The following LRRC4C variants were observed in gnomAD, a reference collection of about 807,000 sequenced individuals.
LRRC4C encodes the protein leucine-rich repeat-containing protein 4C.
Under a neutral mutation model 33.6 loss-of-function variants are expected in LRRC4C, and 5 were observed. The ratio of observed to expected loss-of-function variants is 0.15; its 90% confidence interval spans 0.08 to 0.31. The LOEUF is 0.31. Ranked by LOEUF, LRRC4C falls within the 10% of genes least tolerant of loss-of-function variation. The pLI, the probability that LRRC4C is intolerant of heterozygous loss-of-function variation, is 1.00. For missense variants in LRRC4C, 560 were observed against 796.7 expected (o/e 0.70, Z 3.58); for synonymous variants, 329 against 302.0 (o/e 1.09, Z -0.93).
At chr11:40,519,146 G>A (rs1955697535) in intron 3 of LRRC4C, among the ~76,000 whole-genome samples, 2 of 151,982 alleles carry the variant, frequency 1.3e-5, no homozygotes, top group African/African-American at 2.4e-5. Flanking sequence ...TGTAGGTGAT[G>A]GGTTGATGGG....
At chr11:40,938,101 T>C (rs930683336) in intron 1 of LRRC4C, among the ~76,000 whole-genome samples, 1 of 152,178 alleles carries the variant, frequency 6.6e-6, no homozygotes, top group Non-Finnish European at 1.5e-5. Flanking sequence ...CTTGAAGTCA[T>C]TTAAAAAGCA....
At chr11:40,936,401 G>T (rs1374601047) in intron 1 of LRRC4C, among the ~76,000 whole-genome samples, 5 of 144,336 alleles carry the variant, frequency 3.5e-5, no homozygotes, top group Non-Finnish European at 6.0e-5. Context: ...GCAGTGGCGC[G>T]ATCTCGGCTC....
chr11:40,834,903 G>GACACAC (rs1257327297), intron 2 of LRRC4C, among the ~76,000 whole-genome samples: 832 of 38,940 alleles, frequency 0.021, 2 homozygotes, highest in Middle Eastern at 0.075. Context: ...CAGACAGACA[G>GACACAC]ACAGACAGAC....
chr11:40,689,347 T>G (rs1438069729), intron 2 of LRRC4C, among the ~76,000 whole-genome samples: 1 of 151,644 alleles, frequency 6.6e-6, no homozygotes, highest in Non-Finnish European at 1.5e-5. Context: ...GCCTCTTTCC[T>G]CTTTGTCTTC....
At chr11:40,491,340 G>A (rs1954141744) in intron 3 of LRRC4C, among the ~76,000 whole-genome samples, 1 of 151,976 alleles carries the variant, frequency 6.6e-6, no homozygotes, top group South Asian at 2.1e-4. Flanking sequence ...CTGTTGCTGT[G>A]TAACAACAAA....
intron 3 of LRRC4C, among the ~76,000 whole-genome samples, chr11:40,538,594 C>T (rs958890562): frequency 1.3e-5 from 2 of 152,130 alleles, no homozygotes; most frequent in African/African-American, 4.8e-5. Flanking sequence ...AATAAACATA[C>T]GTGTGCATGT....
Position 40,215,983 on chromosome 11 carries a change from T to C in LRRC4C, c.-96+25536A>G, listed in dbSNP as rs573996801. Among the ~76,000 whole-genome samples the C allele has an allele frequency of 2.6e-5, 4 of 152,292 alleles. No individual in the cohort carries two copies. In the South Asian group the frequency reaches 8.3e-4, roughly 32 times the overall value. On this transcript the variant is annotated intron_variant, in intron 5 of 6. Transcript: ENST00000528697. ...ATCTGTGAGCTGAGAAACATGGCCT[T>C]CTTTGTTCAACGCTGGTAATGAGAT...
chr11:40,234,304 C>A (rs377345653), intron 5 of LRRC4C, among the ~76,000 whole-genome samples: 1 of 152,138 alleles, frequency 6.6e-6, no homozygotes, highest in Non-Finnish European at 1.5e-5. Context: ...ATCACTATTT[C>A]CAATTTATAA....
chr11:41,349,216 C>T (rs1317695599), intron 1 of LRRC4C, among the ~76,000 whole-genome samples: 1 of 152,126 alleles, frequency 6.6e-6, no homozygotes, highest in Non-Finnish European at 1.5e-5. Flanking sequence ...ATCTAATAGC[C>T]AGAGAACTTT....
chr11:41,248,731 C>T (rs1253811175), intron 1 of LRRC4C, among the ~76,000 whole-genome samples: 1 of 152,090 alleles, frequency 6.6e-6, no homozygotes, highest in African/African-American at 2.4e-5. Context: ...GTCTCAATCT[C>T]TTCTCTAAAC....
intron 2 of LRRC4C, among the ~76,000 whole-genome samples, chr11:40,715,898 A>G (rs1223124009): frequency 6.6e-6 from 1 of 151,996 alleles, no homozygotes; most frequent in East Asian, 1.9e-4. Context: ...GGTGGTGGGT[A>G]CCTGTAGTCT....
intron 5 of LRRC4C, among the ~76,000 whole-genome samples, chr11:40,210,622 A>T (rs112035862): frequency 0.066 from 10,026 of 151,768 alleles, 1,073 homozygotes; most frequent in African/African-American, 0.22. Context: ...CCTACAACTC[A>T]CCCTTTCCAT....
At chr11:40,621,798 A>G (rs1171640786) in intron 3 of LRRC4C, among the ~76,000 whole-genome samples, 1 of 151,650 alleles carries the variant, frequency 6.6e-6, no homozygotes, top group African/African-American at 2.4e-5. Context: ...TCTGCCAGGT[A>G]TTGTTGTTTT....
At chr11:40,343,284 GATTAAGCAA>G (rs1329332133) in intron 3 of LRRC4C, among the ~76,000 whole-genome samples, 3 of 152,010 alleles carry the variant, frequency 2.0e-5, no homozygotes, top group African/African-American at 7.2e-5. Context: ...ATAAGAGACT[GATTAAGCAA>G]ATTACTTGAC....
At chr11:40,908,656 G>T (rs909720690) in intron 2 of LRRC4C, among the ~76,000 whole-genome samples, 1 of 152,108 alleles carries the variant, frequency 6.6e-6, no homozygotes, top group East Asian at 1.9e-4. Context: ...ATGAAGAAGT[G>T]CTCTTGCCCT....
intron 3 of LRRC4C, among the ~76,000 whole-genome samples, chr11:40,509,817 T>A (rs1210348156): frequency 6.6e-6 from 1 of 152,248 alleles, no homozygotes; most frequent in Non-Finnish European, 1.5e-5. Context: ...ATATATTTTG[T>A]GTGTACTGAG....
At chr11:41,323,259 G>C (rs565832447) in intron 1 of LRRC4C, among the ~76,000 whole-genome samples, 1 of 152,204 alleles carries the variant, frequency 6.6e-6, no homozygotes, top group Admixed American at 6.5e-5. Flanking sequence ...CCATACCACT[G>C]TATCCCTCTT....
At chr11:40,437,115 C>T (rs549802730) in intron 3 of LRRC4C, among the ~76,000 whole-genome samples, 2 of 152,228 alleles carry the variant, frequency 1.3e-5, no homozygotes, top group East Asian at 1.9e-4. Flanking sequence ...GAAGCCAGAG[C>T]GAATCATGTT....
chr11:41,366,831 C>A (rs536417031), intron 1 of LRRC4C, among the ~76,000 whole-genome samples: 1 of 152,130 alleles, frequency 6.6e-6, no homozygotes, highest in African/African-American at 2.4e-5. Context: ...GGATTGATCT[C>A]AGACTTCCAG....
Sources: gnomAD v4.1 joint callset for allele counts (sites outside exome capture counted in the v4.1 genomes callset) on GRCh38, gnomAD v4.1.1 for gene constraint, MANE v1.5 for transcripts, NCBI Gene and HGNC (gene_info 2026-07-23, HGNC 2026-07-21) for gene names.